TENM4: variants seen among roughly 807,000 people sequenced by gnomAD.
TENM4 encodes the protein teneurin transmembrane protein 4.
In TENM4, 82 loss-of-function variants were observed where a neutral mutation model predicts 243.3. That is an observed-to-expected ratio of 0.34 (90% confidence interval 0.28 to 0.40). The LOEUF (loss-of-function observed/expected upper bound fraction) is 0.40. TENM4 is among the 10% of genes least tolerant of loss of function. TENM4 has a pLI of 1.00. For missense variants in TENM4, 3,138 were observed against 3,673.3 expected, an observed-to-expected ratio of 0.85 and a Z score of 3.77; for synonymous variants, 1,412 against 1,456.3, an observed-to-expected ratio of 0.97 and a Z score of 0.69.
chr11:78,824,989 C>G (rs964375281), intron 12 of TENM4, among the ~76,000 whole-genome samples: 1 of 152,204 alleles, frequency 6.6e-6, no homozygotes, highest in Non-Finnish European at 1.5e-5. Flanking sequence ...TTCAAACATG[C>G]CTACCAGTAT....
At chr11:78,814,010 A>G (rs1857553863) in intron 13 of TENM4, among the ~76,000 whole-genome samples, 1 of 152,066 alleles carries the variant, frequency 6.6e-6, no homozygotes, top group African/African-American at 2.4e-5. Context: ...CTGCCACTCC[A>G]CCTGCCCCAG....
At chr11:79,422,029 C>T (rs1590955029) in intron 1 of TENM4, 1 of 152,560 alleles carries the variant, frequency 6.6e-6, no homozygotes, top group African/African-American at 2.4e-5. Context: ...ATGAAGGGAC[C>T]TCCTGCTAGG....
intron 1 of TENM4, among the ~76,000 whole-genome samples, chr11:79,379,264 A>C (rs535639561): frequency 1.3e-5 from 2 of 152,308 alleles, no homozygotes; most frequent in South Asian, 4.1e-4. Context: ...AGGAAAGTCA[A>C]AGAGCTACCT....
chr11:79,384,937 T>TTAAAATAAAATAAAATAACATAAAA (rs1858080241), intron 1 of TENM4, among the ~76,000 whole-genome samples: 1 of 114,376 alleles, frequency 8.7e-6, no homozygotes. Context: ...AAAAATAAAA[T>TTAAAATAAAATAAAATAACATAAAA]TAAAATAAAA....
At chr11:79,068,716 A>G (rs1860332262) in intron 5 of TENM4, among the ~76,000 whole-genome samples, 1 of 152,198 alleles carries the variant, frequency 6.6e-6, no homozygotes, top group Non-Finnish European at 1.5e-5. Flanking sequence ...GGCATCAAAG[A>G]GGGCTCAAGC....
chr11:79,193,302 C>T lies in TENM4; in HGVS notation c.-163+22506G>A, dbSNP rs529514351. Reference sequence around the variant, plus strand: ...CAAGTAGTGAGGTGGGCAGGGCAGCCGGAACTCAGGTGTCAGTGAGGGAAT... The same window carrying T: ...CAAGTAGTGAGGTGGGCAGGGCAGCTGGAACTCAGGTGTCAGTGAGGGAAT... On this transcript the variant is annotated intron_variant, in intron 3 of 33. Transcript: ENST00000278550. 5.3e-5 allele frequency: 8 copies of T among 152,302 alleles called. 1 individual carries two copies. Among genetic ancestry groups the T allele is most frequent in the South Asian group, 4.1e-4 (2 of 4,822 alleles). 9.4% of individuals were successfully genotyped at this position (152,302 alleles called of 1,614,324 possible). A position where few individuals can be genotyped will look rare whatever the true frequency, so the allele number is the denominator to read the frequency against.
chr11:78,839,575 C>T (rs1858203450), intron 12 of TENM4, among the ~76,000 whole-genome samples: 1 of 151,958 alleles, frequency 6.6e-6, no homozygotes, highest in Admixed American at 6.5e-5. Flanking sequence ...AATACAAACA[C>T]ACCCTTCACA....
chr11:79,034,680 C>A (rs1859331946), intron 6 of TENM4, among the ~76,000 whole-genome samples: 1 of 151,946 alleles, frequency 6.6e-6, no homozygotes, highest in Non-Finnish European at 1.5e-5. Flanking sequence ...AACGGGTGCT[C>A]CATAGAAAGC....
chr11:79,355,532 CCAAA>C (rs948173119), intron 1 of TENM4, among the ~76,000 whole-genome samples: 4 of 101,002 alleles, frequency 4.0e-5, no homozygotes, highest in Non-Finnish European at 4.3e-5. Flanking sequence ...GACTCCATCT[CCAAA>C]CAAACAAACA....
intron 12 of TENM4, among the ~76,000 whole-genome samples, chr11:78,853,352 A>G (rs551638462): frequency 1.3e-5 from 2 of 152,310 alleles, no homozygotes; most frequent in Admixed American, 1.3e-4. Flanking sequence ...CAGTCTAAGA[A>G]GCAGACACAT....
chr11:79,101,086 G>A (rs552375597), intron 4 of TENM4, among the ~76,000 whole-genome samples: 1 of 152,302 alleles, frequency 6.6e-6, no homozygotes, highest in African/African-American at 2.4e-5. Context: ...CCTGGGAAGA[G>A]GGGAGGGTAT....
chr11:78,670,587 G>C, intron 31 of TENM4, 36 bp from the exon 32 acceptor site: 16 of 1,555,112 alleles, frequency 1.0e-5, no homozygotes, highest in African/African-American at 1.4e-5. Flanking sequence ...TGAGAGGAGG[G>C]TGGTGAGGAG....
intron 1 of TENM4, among the ~76,000 whole-genome samples, chr11:79,420,017 T>A (rs772337615): frequency 6.6e-6 from 1 of 152,152 alleles, no homozygotes; most frequent in African/African-American, 2.4e-5. Flanking sequence ...ATTTTAAAGT[T>A]CCCTTAATGG....
intron 2 of TENM4, among the ~76,000 whole-genome samples, chr11:79,296,810 C>T (rs943801227): frequency 6.6e-6 from 1 of 152,154 alleles, no homozygotes; most frequent in Admixed American, 6.5e-5. Context: ...GGAAAGATCA[C>T]AAAGTACCCT....
rs1188590217 is a variant in TENM4, at chr11:78,856,050, C to A, written c.1384G>T (p.Val462Leu). The A allele has an allele frequency of 1.9e-6, 3 of 1,551,738 alleles. No homozygotes were observed. Residue 462 changes from valine (V) to leucine (L), a missense_variant, in exon 11 of 34, where the codon GTG becomes TTG. Transcript: ENST00000278550. ...WRSQVFIDHP[V>L]HLKFNVSLGK... Reference sequence around the variant, plus strand: ...AGAGACACATTGAATTTCAGATGCACAGGATGGTCTATGAACACTTGAGAT... The same window carrying A: ...AGAGACACATTGAATTTCAGATGCAAAGGATGGTCTATGAACACTTGAGAT...
At chr11:78,683,953 C>T (rs1189387794) in intron 29 of TENM4, among the ~76,000 whole-genome samples, 1 of 152,232 alleles carries the variant, frequency 6.6e-6, no homozygotes, top group Admixed American at 6.5e-5. Context: ...TTCCTCTGCA[C>T]TGCCCCCGTC....
intron 6 of TENM4, among the ~76,000 whole-genome samples, chr11:79,050,399 G>A (rs2136934994): frequency 6.6e-6 from 1 of 152,290 alleles, no homozygotes; most frequent in Non-Finnish European, 1.5e-5. Flanking sequence ...TTGCTACCAG[G>A]TGAGGCCGCA....
intron 16 of TENM4, among the ~76,000 whole-genome samples, chr11:78,778,917 C>G (rs1339207317): frequency 6.6e-6 from 1 of 152,168 alleles, no homozygotes; most frequent in African/African-American, 2.4e-5. Flanking sequence ...GGAAAACAGA[C>G]AAAGAAGGAT....
chr11:78,823,538 G>A (rs749925343), intron 12 of TENM4, among the ~76,000 whole-genome samples: 2 of 152,202 alleles, frequency 1.3e-5, no homozygotes, highest in African/African-American at 4.8e-5. Context: ...TAAGGTCAAG[G>A]TGGAACCAAA....
Sources: gnomAD v4.1 joint callset for allele counts (sites outside exome capture counted in the v4.1 genomes callset) on GRCh38, gnomAD v4.1.1 for gene constraint, MANE v1.5 for transcripts, NCBI Gene and HGNC (gene_info 2026-07-23, HGNC 2026-07-21) for gene names.